MMP3: variants seen among roughly 807,000 people sequenced by gnomAD.
MMP3 encodes matrix metallopeptidase 3, also known as stromelysin-1.
In MMP3, 46 loss-of-function variants were observed where a neutral mutation model predicts 47.3. That is an observed-to-expected ratio of 0.97 (90% CI 0.77 to 1.24). The LOEUF is 1.24. Among genes scored for constraint, MMP3 ranks in the 50% most tolerant of loss-of-function variants. The pLI is 0.00. For missense variants in MMP3, 558 were observed against 565.5 expected (o/e 0.99, Z 0.13); for synonymous variants, 216 against 206.5 (o/e 1.05, Z -0.39).
intron 8 of MMP3, among the ~76,000 whole-genome samples, chr11:102,838,060 G>A (rs1353010321): frequency 6.6e-6 from 1 of 152,112 alleles, no homozygotes; most frequent in Non-Finnish European, 1.5e-5. Flanking sequence ...GTTAGAGGTA[G>A]CCCTTGAAAA....
intron 4 of MMP3, among the ~76,000 whole-genome samples, chr11:102,841,105 G>A (rs1858989454): frequency 1.3e-5 from 2 of 152,172 alleles, no homozygotes; most frequent in South Asian, 4.1e-4. Context: ...AATAATGATA[G>A]ATGTCATAGG....
chr11:102,838,661 T>C lies in MMP3; in HGVS notation c.1119A>G (p.Pro373=), dbSNP rs1555004954. ...GGAAACCTAGGGTGTGGATGCCTCTTGGGTATCCAGCTCGTACCTCATTTC... is the reference window on the plus strand; with the variant it reads ...GGAAACCTAGGGTGTGGATGCCTCTCGGGTATCCAGCTCGTACCTCATTTC... ...IRGNEVRAGY[P]RGIHTLGFPP... is the part of the protein sequence containing the mutation. Residue 373 remains proline, a synonymous_variant, in exon 8 of 10, where the codon CCA becomes CCG. Coordinates refer to ENST00000299855, the MANE Select transcript of MMP3 (RefSeq NM_002422.5). The C allele has an allele frequency of 6.2e-7, 1 of 1,613,780 alleles. No homozygotes were observed.
Position 102,842,839 on chromosome 11 carries a change from A to G in MMP3, c.183T>C (p.Val61=), listed in dbSNP as rs1859033797. 11 of 1,613,784 alleles carry G rather than the reference A, an allele frequency of 6.8e-6. No individual in the cohort carries two copies. Among genetic ancestry groups the G allele is most frequent in the Non-Finnish European group, 9.3e-6 (11 of 1,179,874 alleles). ...FVRRKDSGPV[V]KKIREMQKFL... is the part of the protein sequence containing the mutation. ...ACTTCTGCATTTCTCGGATTTTTTT[A>G]ACAACAGGACCACTGTCCTTTCTCC... The change falls in exon 2 of 10, where the codon GTT becomes GTC. Residue 61 remains valine (V), a synonymous_variant. Transcript: ENST00000299855.
chr11:102,836,726 G>A lies in MMP3; in HGVS notation c.1334-500C>T, dbSNP rs1166603873. 1 of 315,918 alleles carries A rather than the reference G, an allele frequency of 3.2e-6. No homozygotes were observed. Among genetic ancestry groups the A allele is most frequent in the Non-Finnish European group, 6.4e-6 (1 of 156,566 alleles). 19.6% of individuals were successfully genotyped at this position (315,918 alleles called of 1,614,324 possible). A position where few individuals can be genotyped will look rare whatever the true frequency, so the allele number is the denominator to read the frequency against. On this transcript the variant is annotated intron_variant, in intron 9 of 9. Transcript: ENST00000299855. This position sits in a 1 kb window ranked among gnomAD's most constrained non-coding sequence, Gnocchi z 4.6. ...CCCTTTAGTGCTCTGCAAACATGGT[G>A]ATCAGGTTACCTTTCAATAAAGATC...
rs371846985 is a variant in MMP3 at position 102,836,791 on chromosome 11, C to CT, written c.1333+506dup. 1,867 of 194,308 alleles carry CT rather than the reference C, an allele frequency of 9.6e-3. No individual in the cohort carries two copies. The highest frequency in any genetic ancestry group is 0.026 in the South Asian group (316 of 12,252). The allele number at this position is 194,308 out of a possible 1,614,324, so 12.0% of individuals were successfully genotyped here. On this transcript the variant is annotated intron_variant, in intron 9 of 9. Coordinates refer to ENST00000299855, the MANE Select transcript of MMP3 (RefSeq NM_002422.5). The surrounding 1 kb of genome is among the most constrained non-coding windows in gnomAD (Gnocchi z 4.6). ...CCTTACCTTGAGTAGAAAACAAAAT[C>CT]TTTTTTTTTTTTTAAACTTTGGGCA...
rs1555004549 is a variant in MMP3, at chr11:102,836,359, G to A, written c.1334-133C>T. The A allele has an allele frequency of 1.4e-6, 1 of 723,714 alleles. No individual in the cohort carries two copies. The highest frequency in any genetic ancestry group is 2.5e-6 in the Non-Finnish European group (1 of 402,622). 44.8% of individuals were successfully genotyped at this position (723,714 alleles called of 1,614,324 possible). On this transcript the variant is annotated intron_variant, in intron 9 of 9. Coordinates refer to ENST00000299855, the MANE Select transcript of MMP3 (RefSeq NM_002422.5). This position sits in a 1 kb window ranked among gnomAD's most constrained non-coding sequence, Gnocchi z 4.6. ...AGCTTTACTTTATGTCAGGGACTAT[G>A]CCAAGCTTGTTACATGAATTTATTT... is the stretch of plus-strand genomic sequence containing the variant.
Position 102,842,766 on chromosome 11 carries a change from C to T in MMP3, c.256G>A (p.Val86Met), listed in dbSNP as rs1555005785. 2 of 1,613,950 alleles carry T rather than the reference C, an allele frequency of 1.2e-6. No homozygotes were observed. Among genetic ancestry groups the T allele is most frequent in the Admixed American group, 3.3e-5 (2 of 59,952 alleles). The part of the protein sequence containing the change: ...TGKLDSDTLE[V>M]MRKPRCGVPD... ...ACTCCACACCTGGGCTTGCGCATCA[C>T]CTCCAGAGTGTCGGAGTCCAGCTTC... The change falls in exon 2 of 10, where the codon GTG becomes ATG. Residue 86 changes from valine to methionine, a missense_variant. Physicochemically the swap from Val to Met is conservative, Grantham distance 21. Transcript: ENST00000299855.
At chr11:102,839,394 A>T in intron 6 of MMP3, 151 bp from the exon 7 acceptor site, 1 of 905,498 alleles carries the variant, frequency 1.1e-6, no homozygotes, top group African/African-American at 1.7e-5. Context: ...CCATTAGAAA[A>T]TTTCTTTCCT....
Position 102,843,422 on chromosome 11 carries a change from G to T in MMP3, c.105+20C>A. ...ACTCTGGAAGCTCCCCACCTGGCCA[G>T]GTCAGTTAGTGTTAATTACCTGAAC... On this transcript the variant is annotated intron_variant, in intron 1 of 9. Coordinates refer to ENST00000299855, the MANE Select transcript of MMP3 (RefSeq NM_002422.5). The T allele has an allele frequency of 6.3e-7, 1 of 1,586,164 alleles. No homozygotes were observed. The highest frequency in any genetic ancestry group is 8.7e-7 in the Non-Finnish European group (1 of 1,155,978).
rs1555005970 is a variant in MMP3, at chr11:102,843,556, C to A, written c.-10G>T. ...TTGGAAGACTCTTCATTTCCACTGG[C>A]TTTACTTAGCTCTATGTTGTCTCTA... On this transcript the variant is annotated 5_prime_UTR_variant, in exon 1 of 10. Coordinates refer to ENST00000299855, the MANE Select transcript of MMP3 (RefSeq NM_002422.5). The A allele has an allele frequency of 6.2e-7, 1 of 1,606,654 alleles. No homozygotes were observed. The highest frequency in any genetic ancestry group is 1.1e-5 in the South Asian group (1 of 90,068).
At chr11:102,842,350 C>CA (rs1859014874) in intron 3 of MMP3, 71 bp from the exon 4 acceptor site, 22 of 1,562,934 alleles carry the variant, frequency 1.4e-5, no homozygotes, top group Non-Finnish European at 1.9e-5. Flanking sequence ...AGTACAACAA[C>CA]ACCAGATAGA....
In MMP3 at chr11:102,840,579, G is replaced by T. The variant is rs1220025147; in HGVS notation, c.640C>A (p.Leu214Ile). The change falls in exon 5 of 10, where the codon CTC becomes ATC. Residue 214 changes from leucine to isoleucine, a missense_variant. Physicochemically the swap from Leu to Ile is conservative, Grantham distance 5. Transcript: ENST00000299855. ...TKDTTGTNLF[L>I]VAAHEIGHSL... ...TGGCCAATTTCATGAGCAGCAACGA[G>T]AAATAAATTGGTCCCTATTTAAGAA... 1 of 1,613,038 alleles carries T rather than the reference G, an allele frequency of 6.2e-7. No homozygotes were observed. Among genetic ancestry groups the T allele is most frequent in the Non-Finnish European group, 8.5e-7 (1 of 1,179,770 alleles).
In MMP3 at chr11:102,840,502, G is replaced by C. The variant is rs569084442; in HGVS notation, c.717C>G (p.Leu239=). Residue 239 remains leucine, a synonymous_variant, in exon 5 of 10, where the codon CTC becomes CTG. Transcript: ENST00000299855. ...SANTEALMYP[L]YHSLTDLTRF... is the part of the protein sequence containing the mutation. ...GAGTCAGGTCTGTGAGTGAGTGATA[G>C]AGTGGGTACATCAAAGCTTCAGTGT... The C allele has an allele frequency of 6.2e-7, 1 of 1,614,104 alleles. No homozygotes were observed. The highest frequency in any genetic ancestry group is 1.7e-5 in the Admixed American group (1 of 60,006).
chr11:102,836,070 T>A lies in MMP3; in HGVS notation c.*56A>T, dbSNP rs1207978662. 29 of 1,286,924 alleles carry A rather than the reference T, an allele frequency of 2.3e-5. No homozygotes were observed. The highest frequency in any genetic ancestry group is 3.1e-5 in the Non-Finnish European group (28 of 889,102). The allele number at this position is 1,286,924 out of a possible 1,614,324, so 79.7% of individuals were successfully genotyped here. On this transcript the variant is annotated 3_prime_UTR_variant, in exon 10 of 10. Transcript: ENST00000299855. This position sits in a 1 kb window ranked among gnomAD's most constrained non-coding sequence, Gnocchi z 4.6. ...ACATTTCAATTCACAGAGACTTAGG[T>A]GAAGAATTATTAGCTTCATTTAAAG...
At chr11:102,842,404 C>CTTTTTTTTTTTTTTTTTTTTTTGTTTTT in intron 3 of MMP3, 27 bp downstream of exon 3, 3 of 810,712 alleles carry the variant, frequency 3.7e-6, no homozygotes, top group Non-Finnish European at 4.8e-6. Context: ...TTTTGTTTTG[C>CTTTTTTTTTTTTTTTTTTTTTTGTTTTT]TTTTTTTTTT....
At position 102,840,054 on chromosome 11, in the gene MMP3, C is replaced by T. The variant is rs1295306612; in HGVS notation, c.935+54G>A. On this transcript the variant is annotated intron_variant, in intron 6 of 9. Coordinates refer to ENST00000299855, the MANE Select transcript of MMP3 (RefSeq NM_002422.5). ...CTCTATCAAGTTTCTGCGTGTTTTCCTTTCTAAACATTGTAGATTAAAATG... is the reference window on the plus strand; with the variant it reads ...CTCTATCAAGTTTCTGCGTGTTTTCTTTTCTAAACATTGTAGATTAAAATG... The T allele has an allele frequency of 2.0e-6, 3 of 1,530,676 alleles. No individual in the cohort carries two copies. The East Asian group carries it at 6.9e-5, about 35-fold the overall frequency. The allele number at this position is 1,530,676 out of a possible 1,614,324, so 94.8% of individuals were successfully genotyped here.
intron 4 of MMP3, 59 bp from the exon 5 acceptor site, chr11:102,840,652 G>T: frequency 1.9e-6 from 3 of 1,554,098 alleles, no homozygotes; most frequent in Non-Finnish European, 2.6e-6. Context: ...GCATTACACA[G>T]GTCTGCTGTG....
intron 6 of MMP3, 40 bp from the exon 7 acceptor site, chr11:102,839,283 T>C: frequency 6.2e-7 from 1 of 1,610,842 alleles, no homozygotes; most frequent in Non-Finnish European, 8.5e-7. Flanking sequence ...TGAAAAACAA[T>C]CTTTCACCTT....
At position 102,838,580 on chromosome 11, in the gene MMP3, T is replaced by C. The variant is rs112494905; in HGVS notation, c.1200A>G (p.Thr400=). 218 of 1,613,740 alleles carry C rather than the reference T, an allele frequency of 1.4e-4. No homozygotes were observed. The African/African-American group carries it at 1.5e-3, about 11-fold the overall frequency. Residue 400 remains threonine, a synonymous_variant, in exon 8 of 10, where the codon ACA becomes ACG. Coordinates refer to ENST00000299855, the MANE Select transcript of MMP3 (RefSeq NM_002422.5). ...AAISDKEKNK[T]YFFVEDKYWR... Reference sequence around the variant, plus strand: ...AGTATTTGTCCTCTACAAAGAAATATGTTTTGTTCTTTTCCTTATCAGAAA... The same window carrying C: ...AGTATTTGTCCTCTACAAAGAAATACGTTTTGTTCTTTTCCTTATCAGAAA...
Sources: allele counts gnomAD v4.1 joint callset (sites outside exome capture counted in the v4.1 genomes callset), GRCh38; gene constraint gnomAD v4.1.1; non-coding constraint Gnocchi (gnomAD v3.1); transcripts MANE v1.5; gene names NCBI Gene and HGNC (gene_info 2026-07-23, HGNC 2026-07-21).